RBFOX1: variants seen among roughly 807,000 people sequenced by gnomAD.
RBFOX1 encodes the protein RNA binding fox-1 homolog 1.
Under a neutral mutation model 57.7 loss-of-function variants are expected in RBFOX1, and 8 were observed. The ratio of observed to expected loss-of-function variants is 0.14; its 90% CI spans 0.08 to 0.25. RBFOX1 has a LOEUF of 0.25. Ranked by LOEUF, RBFOX1 falls within the 10% of genes least tolerant of loss-of-function variation. The pLI is 1.00. For missense variants in RBFOX1, 611 were observed against 548.5 expected, an observed-to-expected ratio of 1.11 and a Z score of -1.14; for synonymous variants, 326 against 222.4, an observed-to-expected ratio of 1.47 and a Z score of -4.15.
chr16:7,665,445 T>C (rs1051116279), intron 13 of RBFOX1, among the ~76,000 whole-genome samples: 1 of 152,202 alleles, frequency 6.6e-6, no homozygotes, highest in Non-Finnish European at 1.5e-5. Flanking sequence ...ATGGACAAGT[T>C]TAGCCCTAAA....
chr16:5,895,318 G>A (rs945856024), intron 4 of RBFOX1, among the ~76,000 whole-genome samples: 8 of 152,278 alleles, frequency 5.3e-5, no homozygotes, highest in African/African-American at 1.9e-4. Flanking sequence ...GAAAATCCCA[G>A]GAAATGGATG....
intron 3 of RBFOX1, among the ~76,000 whole-genome samples, chr16:5,863,172 G>C (rs1317810274): frequency 6.6e-6 from 1 of 152,196 alleles, no homozygotes; most frequent in Non-Finnish European, 1.5e-5. Flanking sequence ...CCTAGCACAA[G>C]TGAGAAGGAA....
intron 4 of RBFOX1, among the ~76,000 whole-genome samples, chr16:7,160,005 T>G (rs947582533): frequency 7.2e-5 from 11 of 152,202 alleles, no homozygotes; most frequent in African/African-American, 2.7e-4. Context: ...GTTTTGTGTT[T>G]TCTTGACATA....
intron 2 of RBFOX1, among the ~76,000 whole-genome samples, chr16:6,399,275 G>T (rs1180417903): frequency 6.6e-6 from 1 of 152,222 alleles, no homozygotes; most frequent in African/African-American, 2.4e-5. Flanking sequence ...GGGAGGGGCT[G>T]CCATGAAGGT....
intron 4 of RBFOX1, among the ~76,000 whole-genome samples, chr16:7,183,397 G>T (rs541450444): frequency 6.5e-4 from 99 of 152,308 alleles, no homozygotes; most frequent in Middle Eastern, 3.4e-3. Context: ...ACCAGCACTT[G>T]AGGCCAGTGG....
intron 4 of RBFOX1, among the ~76,000 whole-genome samples, chr16:7,366,307 C>T (rs1043260043): frequency 2.0e-5 from 3 of 152,230 alleles, no homozygotes; most frequent in East Asian, 1.9e-4. Flanking sequence ...TAGCCATTGC[C>T]AGATCGTTGA....
chr16:7,363,263 A>G (rs1006554502), intron 4 of RBFOX1, among the ~76,000 whole-genome samples: 1 of 151,706 alleles, frequency 6.6e-6, no homozygotes, highest in East Asian at 1.9e-4. Context: ...CGGGGGGAAA[A>G]CCTCCAGATA....
chr16:7,056,254 T>C (rs975992990), intron 4 of RBFOX1, among the ~76,000 whole-genome samples: 5 of 152,156 alleles, frequency 3.3e-5, no homozygotes, highest in Non-Finnish European at 7.4e-5. Context: ...TTGGGATTAC[T>C]TACATCGCTC....
intron 1 of RBFOX1, among the ~76,000 whole-genome samples, chr16:6,194,243 A>AGAATCC (rs1277210670): frequency 6.6e-6 from 1 of 152,164 alleles, no homozygotes; most frequent in African/African-American, 2.4e-5. Flanking sequence ...GAAGAGCCAC[A>AGAATCC]GAATCCAGCA....
At chr16:6,945,179 C>T (rs1046422245) in intron 3 of RBFOX1, among the ~76,000 whole-genome samples, 3 of 152,120 alleles carry the variant, frequency 2.0e-5, no homozygotes, top group Non-Finnish European at 2.9e-5. Flanking sequence ...AGGGCTGTGA[C>T]CTCAGACTGC....
intron 2 of RBFOX1, among the ~76,000 whole-genome samples, chr16:6,525,663 C>T (rs998738421): frequency 8.6e-5 from 13 of 152,004 alleles, no homozygotes; most frequent in African/African-American, 3.1e-4. Flanking sequence ...GTCTCTACTT[C>T]CTAGATGGTG....
At chr16:5,495,683 C>G (rs1382727928) in intron 2 of RBFOX1, among the ~76,000 whole-genome samples, 1 of 152,206 alleles carries the variant, frequency 6.6e-6, no homozygotes, top group Non-Finnish European at 1.5e-5. Context: ...ATGATATGCT[C>G]GTTAACATCG....
At chr16:6,475,459 AT>A (rs1375986781) in intron 2 of RBFOX1, among the ~76,000 whole-genome samples, 1 of 152,208 alleles carries the variant, frequency 6.6e-6, no homozygotes, top group Admixed American at 6.5e-5. Flanking sequence ...AAGGTGAACC[AT>A]TTTGTAGACA....
At position 6,511,477 on chromosome 16, in the gene RBFOX1, G is replaced by A. The variant is rs141011015; in HGVS notation, c.-63-143126G>A. Among the ~76,000 whole-genome samples the A allele has an allele frequency of 1.1e-4, 16 of 152,298 alleles. No homozygotes were observed. The East Asian group carries it at 2.3e-3, about 22-fold the overall frequency. ...CTGACATGGGAGAATTTTAAAACAT[G>A]CGCTTTTAGAATCAAAATTAGTTTT... On this transcript the variant is annotated intron_variant, in intron 2 of 15. Transcript: ENST00000550418.
At chr16:6,712,468 C>A (rs758719515) in intron 3 of RBFOX1, among the ~76,000 whole-genome samples, 1 of 152,102 alleles carries the variant, frequency 6.6e-6, no homozygotes, top group Non-Finnish European at 1.5e-5. Context: ...CTCTCATCTC[C>A]CGAGGACTAT....
At chr16:7,549,534 A>C (rs941647131) in intron 5 of RBFOX1, among the ~76,000 whole-genome samples, 25 of 152,182 alleles carry the variant, frequency 1.6e-4, no homozygotes, top group African/African-American at 5.8e-4. Context: ...CTGAAGAGCA[A>C]GGAAGCCAGT....
At chr16:5,331,655 A>T (rs1210251022) in intron 1 of RBFOX1, among the ~76,000 whole-genome samples, 1 of 152,262 alleles carries the variant, frequency 6.6e-6, no homozygotes, top group Non-Finnish European at 1.5e-5. Flanking sequence ...AATAGGGTTC[A>T]TCTCTTTACT....
chr16:6,317,896 T>C (rs1010637852), intron 2 of RBFOX1, among the ~76,000 whole-genome samples: 10 of 152,168 alleles, frequency 6.6e-5, no homozygotes, highest in African/African-American at 2.4e-4. Flanking sequence ...AAGATGTAGC[T>C]TCCTTCATAG....
rs563822668 is a variant in RBFOX1 at position 5,718,390 on chromosome 16, A to G, written c.318+119429A>G. ...GACCCACAGACACATATGTGAGAAT[A>G]AATGAGGGCTGAGTTAAGCCACTGA... On this transcript the variant is annotated intron_variant, in intron 3 of 19. Coordinates refer to the RBFOX1 transcript ENST00000641259. Among the ~76,000 whole-genome samples the G allele has an allele frequency of 5.9e-5, 9 of 152,340 alleles. No homozygotes were observed. The East Asian group carries it at 1.7e-3, about 29-fold the overall frequency.
Sources: gnomAD v4.1 joint callset for allele counts (sites outside exome capture counted in the v4.1 genomes callset) on GRCh38, gnomAD v4.1.1 for gene constraint, MANE v1.5 for transcripts, NCBI Gene and HGNC (gene_info 2026-07-23, HGNC 2026-07-21) for gene names.